Variants in PDE3B observed in about 807,000 individuals in gnomAD.
The protein encoded by PDE3B is cGMP-inhibited 3',5'-cyclic phosphodiesterase 3B.
A neutral mutation model predicts 116.8 loss-of-function variants in PDE3B; 66 were observed. The observed-to-expected ratio is 0.56, with a 90% CI of 0.46 to 0.69. PDE3B has a LOEUF of 0.69. Among genes scored for constraint, PDE3B ranks in the 30% least tolerant of loss-of-function variants. The pLI is 0.00. For synonymous variants in PDE3B, 595 were observed against 533.6 expected, an observed-to-expected ratio of 1.12 and a Z score of -1.59; for missense variants, 1,384 against 1,368.1, an observed-to-expected ratio of 1.01 and a Z score of -0.18.
At chr11:14,741,749 G>A (rs1223789818) in intron 1 of PDE3B, among the ~76,000 whole-genome samples, 2 of 152,048 alleles carry the variant, frequency 1.3e-5, no homozygotes, top group African/African-American at 4.8e-5. Context: ...TCCATGTTTA[G>A]TGCTTCCTTT....
At chr11:14,872,544 G>A (rs187634902), downstream of PDE3B, among the ~76,000 whole-genome samples, 177 of 152,262 alleles carry the variant, frequency 1.2e-3, 1 homozygote, top group Non-Finnish European at 1.8e-3. Context: ...TGTAAAACAT[G>A]ACATGCCACT....
intron 12 of PDE3B, among the ~76,000 whole-genome samples, chr11:14,857,204 A>G (rs781841729): frequency 1.3e-5 from 2 of 152,236 alleles, no homozygotes; most frequent in African/African-American, 2.4e-5. Flanking sequence ...AGCAGGTAAC[A>G]AGATGCTTTA....
At chr11:14,854,797 G>T (rs1847818982) in intron 12 of PDE3B, among the ~76,000 whole-genome samples, 1 of 152,118 alleles carries the variant, frequency 6.6e-6, no homozygotes, top group Non-Finnish European at 1.5e-5. Flanking sequence ...TTACAGGCGT[G>T]AGCCACCGCA....
At chr11:14,685,446 C>CTTTTTTTTTTTTTTTTTTT (rs71044017) in intron 1 of PDE3B, among the ~76,000 whole-genome samples, 1 of 86,308 alleles carries the variant, frequency 1.2e-5, no homozygotes, top group African/African-American at 3.6e-5. Context: ...TTTTTCTCAT[C>CTTTTTTTTTTTTTTTTTTT]TTTTTTTTTT....
At chr11:14,787,360 T>C (rs1858239860) in intron 3 of PDE3B, among the ~76,000 whole-genome samples, 1 of 151,998 alleles carries the variant, frequency 6.6e-6, no homozygotes, top group South Asian at 2.1e-4. Flanking sequence ...CATAAAACTT[T>C]AAAACTAGAA....
intron 1 of PDE3B, among the ~76,000 whole-genome samples, chr11:14,721,981 C>T (rs1042005345): frequency 1.3e-5 from 2 of 149,088 alleles, no homozygotes; most frequent in African/African-American, 2.5e-5. Flanking sequence ...ACTGTGCAGC[C>T]GTAAAAAATG....
At chr11:14,682,465 T>A (rs539303932) in intron 1 of PDE3B, among the ~76,000 whole-genome samples, 71 of 152,334 alleles carry the variant, frequency 4.7e-4, no homozygotes, top group African/African-American at 1.7e-3. Context: ...GGCTGTAGTT[T>A]TGTTTAAATG....
intron 1 of PDE3B, among the ~76,000 whole-genome samples, chr11:14,686,145 A>T (rs950655622): frequency 2.0e-5 from 3 of 152,228 alleles, no homozygotes; most frequent in Non-Finnish European, 2.9e-5. Flanking sequence ...TCATTGCCTG[A>T]TGGAATTCTG....
intron 1 of PDE3B, among the ~76,000 whole-genome samples, chr11:14,761,659 AT>A (rs1283439639): frequency 6.6e-6 from 1 of 152,022 alleles, no homozygotes; most frequent in Admixed American, 6.6e-5. Context: ...GGGGAATCTG[AT>A]TTTTTTTAAC....
At chr11:14,889,386 TAG>T in the PDE3B span, among the ~76,000 whole-genome samples, 1 of 152,340 alleles carries the variant, frequency 6.6e-6, no homozygotes, top group Middle Eastern at 3.4e-3. Flanking sequence ...GGGAGATCTT[TAG>T]AGATGTTTCA....
At chr11:14,667,890 C>G (rs1854228247) in intron 1 of PDE3B, among the ~76,000 whole-genome samples, 1 of 151,676 alleles carries the variant, frequency 6.6e-6, no homozygotes, top group Non-Finnish European at 1.5e-5. Flanking sequence ...TGTTCACTGC[C>G]ATGTCCAAAA....
intron 12 of PDE3B, among the ~76,000 whole-genome samples, chr11:14,846,693 GTC>G (rs1847611448): frequency 6.6e-6 from 1 of 152,048 alleles, no homozygotes; most frequent in African/African-American, 2.4e-5. Context: ...TGCAATTCTA[GTC>G]TCTGATAAAA....
intron 1 of PDE3B, among the ~76,000 whole-genome samples, chr11:14,763,229 A>G (rs947967120): frequency 2.6e-5 from 4 of 152,098 alleles, no homozygotes; most frequent in African/African-American, 9.7e-5. Context: ...CAAGTGAGAA[A>G]AATAATTTCA....
downstream of PDE3B, among the ~76,000 whole-genome samples, chr11:14,875,406 T>C (rs1198714490): frequency 3.3e-5 from 5 of 152,204 alleles, no homozygotes; most frequent in African/African-American, 1.2e-4. Context: ...CCTTAATGGT[T>C]ATTTCAGTGA....
At chr11:14,703,740 G>A (rs1590074059) in intron 1 of PDE3B, among the ~76,000 whole-genome samples, 1 of 151,614 alleles carries the variant, frequency 6.6e-6, no homozygotes, top group East Asian at 1.9e-4. Flanking sequence ...TTAAATGCTT[G>A]GTTGAACTAC....
rs143324895 is a variant in PDE3B at position 14,780,255 on chromosome 11, G to A, written c.1030-6182G>A. ...CCCACTGTCAACATTAGACAGATCAGTGAGACAGAAAGTTCACAAGGATAT... is the reference window on the plus strand; with the variant it reads ...CCCACTGTCAACATTAGACAGATCAATGAGACAGAAAGTTCACAAGGATAT... On this transcript the variant is annotated intron_variant, in intron 2 of 15. Coordinates refer to ENST00000282096, the MANE Select transcript of PDE3B (RefSeq NM_000922.4). Among the ~76,000 whole-genome samples the A allele has an allele frequency of 4.5e-3, 682 of 152,168 alleles. 3 individuals are homozygous for A. Among genetic ancestry groups the A allele is most frequent in the African/African-American group, 0.015 (608 of 41,520 alleles).
intron 1 of PDE3B, among the ~76,000 whole-genome samples, chr11:14,757,179 C>T (rs1423544465): frequency 1.3e-5 from 2 of 151,978 alleles, no homozygotes; most frequent in Non-Finnish European, 2.9e-5. Context: ...ATATGTGCCA[C>T]ATTTTCTTAA....
chr11:14,846,095 A>G (rs1283259479), intron 12 of PDE3B, among the ~76,000 whole-genome samples: 1 of 152,194 alleles, frequency 6.6e-6, no homozygotes, highest in Non-Finnish European at 1.5e-5. Flanking sequence ...AGAGAGAAAG[A>G]TTGGGTTACC....
At position 14,645,048 on chromosome 11, in the gene PDE3B, G is replaced by A. The variant is rs762293434; in HGVS notation, c.973G>A (p.Glu325Lys). ...RRPSLPCISR[E>K]QMILWDWDLK... ...ACCGTCGTTGCCTTGTATTTCCAGA[G>A]AACAGGTATGTTAGCTGGAAGGCGA... Residue 325 changes from glutamate to lysine, a missense_variant, in exon 1 of 16, where the codon GAA (glutamate) becomes AAA (lysine). By Grantham distance (56) the Glu-to-Lys change is moderately conservative. Coordinates refer to ENST00000282096, the MANE Select transcript of PDE3B (RefSeq NM_000922.4). 2 of 1,601,546 alleles carry A rather than the reference G, an allele frequency of 1.2e-6. No homozygotes were observed. The highest frequency in any genetic ancestry group is 1.7e-6 in the Non-Finnish European group (2 of 1,172,962).
Sources: gnomAD v4.1 joint callset for allele counts (sites outside exome capture counted in the v4.1 genomes callset) on GRCh38, gnomAD v4.1.1 for gene constraint, MANE v1.5 for transcripts, NCBI Gene and HGNC (gene_info 2026-07-23, HGNC 2026-07-21) for gene names.